The following AATF variants were observed in gnomAD, a reference collection of about 807,000 sequenced individuals.
The protein encoded by AATF is apoptosis antagonizing transcription factor.
A neutral mutation model predicts 63.7 loss-of-function variants in AATF; 48 were observed. The ratio of observed to expected loss-of-function variants is 0.75; its 90% confidence interval spans 0.60 to 0.96. The LOEUF is 0.96. Among genes scored for constraint, AATF ranks in the 40% least tolerant of loss-of-function variants. The pLI, the probability that AATF is intolerant of heterozygous loss-of-function variation, is 0.00. For synonymous variants in AATF, 258 were observed against 247.7 expected (o/e 1.04, Z -0.39); for missense variants, 639 against 685.7 (o/e 0.93, Z 0.76).
chr17:37,023,389 C>A (rs2071487334), intron 10 of AATF, among the ~76,000 whole-genome samples: 1 of 152,130 alleles, frequency 6.6e-6, no homozygotes. Context: ...TTAAACTGTT[C>A]ATTACAGGTA....
chr17:36,991,089 G>A (rs2071211118), intron 8 of AATF, among the ~76,000 whole-genome samples: 1 of 152,194 alleles, frequency 6.6e-6, no homozygotes, highest in Admixed American at 6.5e-5. Flanking sequence ...TGTTGCTTGA[G>A]TGTAAATTAG....
intron 11 of AATF, among the ~76,000 whole-genome samples, chr17:37,053,766 T>C (rs1040898411): frequency 6.6e-6 from 1 of 152,052 alleles, no homozygotes; most frequent in South Asian, 2.1e-4. Flanking sequence ...CTTGGAAGGC[T>C]GAGGCAGGAG....
chr17:37,010,520 C>T (rs1000937166), intron 8 of AATF, among the ~76,000 whole-genome samples: 2 of 151,978 alleles, frequency 1.3e-5, no homozygotes, highest in Non-Finnish European at 2.9e-5. Flanking sequence ...TCAAGGGGCC[C>T]CTGAAGGGGA....
At chr17:37,005,673 T>C (rs8073372) in intron 8 of AATF, among the ~76,000 whole-genome samples, 40,615 of 152,058 alleles carry the variant, frequency 0.27, 7,719 homozygotes, top group African/African-American at 0.54. Context: ...AGCTGGTATC[T>C]GAGAGGATCT....
At chr17:36,983,473 G>T (rs1043070417) in intron 4 of AATF, among the ~76,000 whole-genome samples, 3 of 151,882 alleles carry the variant, frequency 2.0e-5, no homozygotes, top group Non-Finnish European at 4.4e-5. Flanking sequence ...TCAGCCTCCC[G>T]AGTAGCTGAG....
At chr17:36,981,896 G>A (rs758743845) in intron 4 of AATF, among the ~76,000 whole-genome samples, 3 of 151,816 alleles carry the variant, frequency 2.0e-5, no homozygotes, top group Non-Finnish European at 2.9e-5. Flanking sequence ...CCATTTTTAA[G>A]TGTACAGTTT....
At chr17:36,958,693 T>C (rs2070922128) in intron 4 of AATF, among the ~76,000 whole-genome samples, 1 of 152,232 alleles carries the variant, frequency 6.6e-6, no homozygotes, top group South Asian at 2.1e-4. Flanking sequence ...TCTTATTTCA[T>C]CTGTAGTTGT....
intron 8 of AATF, among the ~76,000 whole-genome samples, chr17:37,013,217 A>T (rs757949314): frequency 2.0e-5 from 3 of 152,228 alleles, no homozygotes; most frequent in Non-Finnish European, 2.9e-5. Flanking sequence ...GCACAGGAAG[A>T]TGCTCTGCAT....
chr17:37,001,760 T>G (rs1336552326), intron 8 of AATF, among the ~76,000 whole-genome samples: 1 of 152,194 alleles, frequency 6.6e-6, no homozygotes, highest in Non-Finnish European at 1.5e-5. Context: ...CTCCTGAGAT[T>G]AGGAACAAGA....
Position 37,014,507 on chromosome 17 carries a change from G to A in AATF, c.1399-4498G>A, listed in dbSNP as rs139508482. ...CTGACAGCATATTAGGACAACAGGT[G>A]TAAACCAGGACTTTCTTGGTAAACT... On this transcript the variant is annotated intron_variant, in intron 8 of 11. Transcript: ENST00000619387. Among the ~76,000 whole-genome samples, 5 of 152,236 alleles carry A rather than the reference G, an allele frequency of 3.3e-5. No homozygotes were observed. In the East Asian group the frequency reaches 5.8e-4, roughly 18 times the overall value.
intron 11 of AATF, among the ~76,000 whole-genome samples, chr17:37,049,776 G>C (rs1156607719): frequency 1.3e-5 from 2 of 152,158 alleles, no homozygotes; most frequent in Non-Finnish European, 2.9e-5. Context: ...CCGTTAGCAT[G>C]TGCCAAGTGA....
intron 4 of AATF, among the ~76,000 whole-genome samples, chr17:36,984,327 A>G (rs1180959132): frequency 1.3e-5 from 2 of 152,240 alleles, no homozygotes; most frequent in Non-Finnish European, 2.9e-5. Flanking sequence ...TTAAACATCT[A>G]GAATAAGAGC....
At chr17:37,021,717 A>G (rs1224918138) in intron 10 of AATF, among the ~76,000 whole-genome samples, 1 of 83,830 alleles carries the variant, frequency 1.2e-5, no homozygotes, top group African/African-American at 1.4e-4. Flanking sequence ...AGGCAGGAGA[A>G]TGGCGTGAAC....
intron 11 of AATF, among the ~76,000 whole-genome samples, chr17:37,041,344 G>A (rs2071638318): frequency 6.6e-6 from 1 of 152,082 alleles, no homozygotes; most frequent in South Asian, 2.1e-4. Flanking sequence ...TATATATACA[G>A]AAATCTATGT....
intron 8 of AATF, among the ~76,000 whole-genome samples, chr17:37,007,832 C>G (rs1394586144): frequency 6.6e-6 from 1 of 152,090 alleles, no homozygotes; most frequent in Non-Finnish European, 1.5e-5. Flanking sequence ...ATTGTGTAAT[C>G]AGGGTATTGT....
At chr17:36,960,344 G>A (rs1264618373) in intron 4 of AATF, among the ~76,000 whole-genome samples, 3 of 152,138 alleles carry the variant, frequency 2.0e-5, no homozygotes, top group Non-Finnish European at 4.4e-5. Flanking sequence ...TTTGTCCTCA[G>A]CAATAATAGA....
intron 9 of AATF, among the ~76,000 whole-genome samples, chr17:37,020,296 T>C (rs2071459388): frequency 6.6e-6 from 1 of 152,088 alleles, no homozygotes; most frequent in Non-Finnish European, 1.5e-5. Context: ...TTGTTGACTT[T>C]TTTTTTTAGA....
rs759338868 is a variant in AATF, at chr17:37,019,011, C to G, written c.1405C>G (p.Arg469Gly). The change falls in exon 9 of 12, where the codon CGA (arginine) becomes GGA (glycine). Residue 469 changes from arginine to glycine, a missense_variant. Coordinates refer to ENST00000619387, the MANE Select transcript of AATF (RefSeq NM_012138.4). ...GCTTTCCTTTTTCCCCTAGCTCCTT[C>G]GAGAACTCATAGAACGGAAGACCAG... ...DDDDFYHQLL[R>G]ELIERKTSSL... 1 of 1,613,960 alleles carries G rather than the reference C, an allele frequency of 6.2e-7. No homozygotes were observed. Among genetic ancestry groups the G allele is most frequent in the Non-Finnish European group, 8.5e-7 (1 of 1,179,852 alleles).
At chr17:36,978,331 C>T (rs1280114056) in intron 4 of AATF, among the ~76,000 whole-genome samples, 1 of 152,044 alleles carries the variant, frequency 6.6e-6, no homozygotes, top group Non-Finnish European at 1.5e-5. Context: ...TTGAGTTGAA[C>T]GTTTCTCACA....
Sources: gnomAD v4.1 joint callset for allele counts (sites outside exome capture counted in the v4.1 genomes callset) on GRCh38, gnomAD v4.1.1 for gene constraint, MANE v1.5 for transcripts, NCBI Gene and HGNC (gene_info 2026-07-23, HGNC 2026-07-21) for gene names.